GALNT13: variants seen among roughly 807,000 people sequenced by gnomAD.
GALNT13 encodes UDP-GalNAc:polypeptide N-acetylgalactosaminyltransferase 13.
In GALNT13, 28 loss-of-function variants were observed where a neutral mutation model predicts 64.2. The ratio of observed to expected loss-of-function variants is 0.44; its 90% CI spans 0.32 to 0.60. The LOEUF is 0.60. Among genes scored for constraint, GALNT13 ranks in the 20% least tolerant of loss-of-function variants. GALNT13 has a pLI of 0.05. For synonymous variants in GALNT13, 214 were observed against 224.6 expected (o/e 0.95, Z 0.42); for missense variants, 577 against 669.8 (o/e 0.86, Z 1.53).
At chr2:154,342,794 C>G (rs550838929) in intron 9 of GALNT13, among the ~76,000 whole-genome samples, 4 of 150,968 alleles carry the variant, frequency 2.6e-5, no homozygotes, top group African/African-American at 9.8e-5. Flanking sequence ...TCTATATGTA[C>G]AGTAAAGTGT....
the GALNT13 span, among the ~76,000 whole-genome samples, chr2:153,487,482 A>G: frequency 6.6e-6 from 1 of 152,244 alleles, no homozygotes; most frequent in Non-Finnish European, 1.5e-5. Context: ...TTTACAGAGC[A>G]TCTTATGTGT....
At chr2:154,003,261 A>G (rs1696031956) in intron 3 of GALNT13, among the ~76,000 whole-genome samples, 1 of 152,144 alleles carries the variant, frequency 6.6e-6, no homozygotes, top group Admixed American at 6.5e-5. Context: ...GAATGAAATC[A>G]GTTTGGCCCC....
the GALNT13 span, among the ~76,000 whole-genome samples, chr2:153,575,632 GC>G: frequency 1.3e-5 from 2 of 152,090 alleles, no homozygotes; most frequent in Admixed American, 6.5e-5. Context: ...GGCAGGGGAG[GC>G]TTATCTGGTA....
the GALNT13 span, among the ~76,000 whole-genome samples, chr2:153,260,962 G>C: frequency 6.8e-3 from 1,026 of 151,806 alleles, 8 homozygotes; most frequent in African/African-American, 0.024. Flanking sequence ...TTCTTTTTCT[G>C]CTTGATTAGT....
chr2:154,364,935 G>T (rs1283437576), intron 9 of GALNT13, among the ~76,000 whole-genome samples: 3 of 152,228 alleles, frequency 2.0e-5, no homozygotes, highest in Non-Finnish European at 4.4e-5. Flanking sequence ...CCTTCCAAAA[G>T]TGCTGGGATT....
the GALNT13 span, among the ~76,000 whole-genome samples, chr2:153,403,202 A>G: frequency 0.011 from 1,633 of 142,092 alleles, 37 homozygotes; most frequent in African/African-American, 0.017. Context: ...AGGTGTCGGT[A>G]TGCCCCTGCT....
chr2:154,162,539 G>A (rs1311993471), intron 4 of GALNT13, among the ~76,000 whole-genome samples: 1 of 152,162 alleles, frequency 6.6e-6, no homozygotes, highest in African/African-American at 2.4e-5. Context: ...GGAGAACTTG[G>A]CTGGGAACAC....
chr2:154,029,374 G>A (rs1354131898), intron 3 of GALNT13, among the ~76,000 whole-genome samples: 1 of 151,920 alleles, frequency 6.6e-6, no homozygotes, highest in Non-Finnish European at 1.5e-5. Flanking sequence ...CTGAAAAACA[G>A]TGTAAAAGGA....
chr2:154,195,273 C>T (rs1029507154), intron 4 of GALNT13, among the ~76,000 whole-genome samples: 1 of 152,106 alleles, frequency 6.6e-6, no homozygotes, highest in Non-Finnish European at 1.5e-5. Flanking sequence ...AGGTTTTGGC[C>T]ACTACTCTAC....
chr2:153,849,989 G>A, the GALNT13 span, among the ~76,000 whole-genome samples: 12,852 of 112,572 alleles, frequency 0.11, 995 homozygotes, highest in Admixed American at 0.32. Context: ...GTGAAACCCC[G>A]TCTCTACTAA....
intron 2 of GALNT13, among the ~76,000 whole-genome samples, chr2:153,934,884 A>G (rs989859916): frequency 6.6e-6 from 1 of 152,180 alleles, no homozygotes; most frequent in Non-Finnish European, 1.5e-5. Context: ...AAGAAGTATT[A>G]GGAGTTTATG....
chr2:153,479,426 G>A, the GALNT13 span, among the ~76,000 whole-genome samples: 8 of 152,206 alleles, frequency 5.3e-5, no homozygotes, highest in African/African-American at 1.9e-4. Context: ...TTACAAAAGC[G>A]ATTGGGAGAC....
chr2:153,749,374 A>C, the GALNT13 span, among the ~76,000 whole-genome samples: 4 of 152,052 alleles, frequency 2.6e-5, no homozygotes, highest in Non-Finnish European at 5.9e-5. Context: ...TACTTTGAAG[A>C]ATGTCCTTGA....
intron 1 of GALNT13, among the ~76,000 whole-genome samples, chr2:153,900,612 T>A (rs1688171508): frequency 6.6e-6 from 1 of 152,218 alleles, no homozygotes; most frequent in African/African-American, 2.4e-5. Context: ...GAACATCTCA[T>A]ATTTTTGAAT....
the GALNT13 span, among the ~76,000 whole-genome samples, chr2:153,665,261 C>T: frequency 9.9e-5 from 15 of 152,270 alleles, no homozygotes; most frequent in African/African-American, 3.6e-4. Flanking sequence ...CCAATATAGG[C>T]AGCATTGCTA....
chr2:154,103,969 A>G (rs1450801041), intron 3 of GALNT13, among the ~76,000 whole-genome samples: 1 of 152,054 alleles, frequency 6.6e-6, no homozygotes, highest in East Asian at 1.9e-4. Context: ...AGATTGGGTA[A>G]ACCAATGATG....
At chr2:154,174,971 T>C (rs190673793) in intron 4 of GALNT13, among the ~76,000 whole-genome samples, 1 of 152,300 alleles carries the variant, frequency 6.6e-6, no homozygotes. Flanking sequence ...AAAAGAGATT[T>C]ACTGAAGTTC....
At chr2:153,810,941 T>G in the GALNT13 span, among the ~76,000 whole-genome samples, 1 of 152,106 alleles carries the variant, frequency 6.6e-6, no homozygotes, top group African/African-American at 2.4e-5. Flanking sequence ...AAAGAATAAT[T>G]GTCATTGTTT....
chr2:153,970,852 G>A (rs1224773738), intron 3 of GALNT13, among the ~76,000 whole-genome samples: 1 of 152,044 alleles, frequency 6.6e-6, no homozygotes, highest in Non-Finnish European at 1.5e-5. Context: ...ATTATTATAT[G>A]CAAACTTTCT....
Sources: allele counts gnomAD v4.1 joint callset (sites outside exome capture counted in the v4.1 genomes callset), GRCh38; gene constraint gnomAD v4.1.1; transcripts MANE v1.5; gene names NCBI Gene and HGNC (gene_info 2026-07-23, HGNC 2026-07-21).